The following SHANK2 variants were observed in gnomAD, a reference collection of about 807,000 sequenced individuals.
SHANK2 encodes the protein SH3 and multiple ankyrin repeat domains 2.
SHANK2 carries 43 observed loss-of-function variants against 133.7 expected under a neutral mutation model. The observed-to-expected ratio is 0.32, with a 90% CI of 0.25 to 0.41. The LOEUF is 0.41. Among genes scored for constraint, SHANK2 ranks in the 10% least tolerant of loss-of-function variants. The probability of loss-of-function intolerance (pLI) is 1.00; values close to 1 mark genes in which losing one functional copy is unlikely to be tolerated. For synonymous variants in SHANK2, 1,017 were observed against 952.8 expected (o/e 1.07, Z -1.24); for missense variants, 1,994 against 2,235.8 (o/e 0.89, Z 2.18).
intron 17 of SHANK2, among the ~76,000 whole-genome samples, chr11:70,618,296 G>GAAAAAA (rs33915522): frequency 1.8e-5 from 2 of 112,140 alleles, no homozygotes; most frequent in Non-Finnish European, 1.8e-5. Context: ...CTCGGTCTCA[G>GAAAAAA]AAAAAAAAAA....
chr11:71,134,593 C>T (rs185776213), intron 3 of SHANK2, among the ~76,000 whole-genome samples: 23 of 152,140 alleles, frequency 1.5e-4, no homozygotes, highest in Non-Finnish European at 2.5e-4. Flanking sequence ...GCGTGCATCA[C>T]CACACCTGGC....
intron 17 of SHANK2, among the ~76,000 whole-genome samples, chr11:70,654,862 G>T (rs1241711392): frequency 2.6e-5 from 4 of 151,728 alleles, no homozygotes; most frequent in African/African-American, 9.7e-5. Context: ...CCGCCTCCCG[G>T]GTTCAAGCGA....
chr11:70,865,693 C>T (rs1013190949), intron 11 of SHANK2, among the ~76,000 whole-genome samples: 1 of 151,540 alleles, frequency 6.6e-6, no homozygotes, highest in Admixed American at 6.6e-5. Context: ...CACTGCCTCG[C>T]ACCGCCTTCT....
At chr11:71,139,186 A>G (rs1952504858) in intron 3 of SHANK2, among the ~76,000 whole-genome samples, 1 of 152,190 alleles carries the variant, frequency 6.6e-6, no homozygotes, top group Non-Finnish European at 1.5e-5. Context: ...CGCAAGGATC[A>G]GCCCTCAGAG....
intron 1 of SHANK2, among the ~76,000 whole-genome samples, chr11:71,237,959 A>G (rs1954843752): frequency 6.6e-6 from 1 of 152,210 alleles, no homozygotes. Context: ...CCATGGGATA[A>G]GGGGGCCCCC....
rs192905822 is a variant in SHANK2 at position 70,787,880 on chromosome 11, C to T, written c.1777+10563G>A. ...GCCACCCCTGCTTCTGAGCAAGTCACTCACCATCTCTGACCTCGTGTCAAA... is the reference window on the plus strand; with the variant it reads ...GCCACCCCTGCTTCTGAGCAAGTCATTCACCATCTCTGACCTCGTGTCAAA... On this transcript the variant is annotated intron_variant, in intron 14 of 25. Transcript: ENST00000601538. Among the ~76,000 whole-genome samples, 108 of 152,314 alleles carry T rather than the reference C, an allele frequency of 7.1e-4. 1 individual carries two copies. The highest frequency in any genetic ancestry group is 2.4e-3 in the African/African-American group (101 of 41,558).
intron 11 of SHANK2, among the ~76,000 whole-genome samples, chr11:70,833,970 T>C (rs1446795005): frequency 1.3e-5 from 2 of 152,202 alleles, no homozygotes; most frequent in Middle Eastern, 3.2e-3. Context: ...GAGCTCCAAG[T>C]TGATGAAGGC....
intron 11 of SHANK2, among the ~76,000 whole-genome samples, chr11:70,832,556 GATGA>G (rs371017766): frequency 6.6e-6 from 1 of 152,206 alleles, no homozygotes; most frequent in African/African-American, 2.4e-5. Context: ...GTGCTCTGGA[GATGA>G]ATGAATGAAT....
intron 17 of SHANK2, among the ~76,000 whole-genome samples, chr11:70,591,550 G>GT (rs2060321339): frequency 9.2e-6 from 1 of 108,470 alleles, no homozygotes; most frequent in African/African-American, 3.2e-5. Context: ...AAAAGAAAAA[G>GT]AAAAAGAAAA....
chr11:70,484,938 C>T (rs1021355512), intron 25 of SHANK2, among the ~76,000 whole-genome samples: 8 of 152,058 alleles, frequency 5.3e-5, no homozygotes, highest in South Asian at 2.1e-4. Context: ...GCAACCAACT[C>T]GAAGCTTGGT....
At chr11:71,151,483 A>AC (rs1321527727) in intron 2 of SHANK2, among the ~76,000 whole-genome samples, 4 of 151,536 alleles carry the variant, frequency 2.6e-5, no homozygotes, top group Admixed American at 6.6e-5. Context: ...CTGCGATGCC[A>AC]CCCCCATTTC....
intron 15 of SHANK2, chr11:70,661,954 C>T: frequency 5.3e-6 from 4 of 748,644 alleles, no homozygotes; most frequent in East Asian, 2.8e-5. Flanking sequence ...CATGGTGGGG[C>T]GGCTGCCTGA....
rs113695442 is a variant in SHANK2 at position 70,663,084 on chromosome 11, C to T, written c.1854-1406G>A. ...GAGCCTCGGGGGTGAGGAGAAAGGA[C>T]ACCAGGCCAGCGGCCCAGCCGGAAA... On this transcript the variant is annotated intron_variant, in intron 15 of 25. Transcript: ENST00000601538. Among the ~76,000 whole-genome samples the T allele has an allele frequency of 5.4e-3, 826 of 152,246 alleles. 9 individuals are homozygous for T. Among genetic ancestry groups the T allele is most frequent in the African/African-American group, 0.019 (792 of 41,544 alleles).
At chr11:70,802,898 C>G (rs782332771) in intron 13 of SHANK2, among the ~76,000 whole-genome samples, 1 of 152,200 alleles carries the variant, frequency 6.6e-6, no homozygotes, top group African/African-American at 2.4e-5. Context: ...CCCATGGCCA[C>G]GAACCCTCAG....
intron 17 of SHANK2, among the ~76,000 whole-genome samples, chr11:70,544,059 G>A (rs1032379560): frequency 5.3e-5 from 8 of 152,170 alleles, no homozygotes; most frequent in African/African-American, 1.9e-4. Flanking sequence ...CTCAACGAGA[G>A]GCTGTTAGCA....
At chr11:70,897,286 C>T (rs575394336) in intron 10 of SHANK2, among the ~76,000 whole-genome samples, 26 of 152,322 alleles carry the variant, frequency 1.7e-4, no homozygotes, top group Non-Finnish European at 3.2e-4. Context: ...AAGGAGAGAC[C>T]TTGGGCTCAG....
At chr11:70,624,525 C>T (rs145041054) in intron 17 of SHANK2, among the ~76,000 whole-genome samples, 1 of 145,260 alleles carries the variant, frequency 6.9e-6, no homozygotes, top group South Asian at 2.2e-4. Context: ...ATGGCCACAA[C>T]CTTCTTCAAA....
chr11:70,762,308 T>C (rs1947012898), intron 14 of SHANK2, among the ~76,000 whole-genome samples: 1 of 152,124 alleles, frequency 6.6e-6, no homozygotes. Context: ...ACCTCCCAAG[T>C]GTCCTGGCTG....
At chr11:70,663,147 C>T (rs375851185) in intron 15 of SHANK2, among the ~76,000 whole-genome samples, 4 of 152,172 alleles carry the variant, frequency 2.6e-5, no homozygotes, top group Non-Finnish European at 5.9e-5. Context: ...ACCAGGCCCC[C>T]GTCGCACAGG....
Sources: allele counts gnomAD v4.1 joint callset (sites outside exome capture counted in the v4.1 genomes callset), GRCh38; gene constraint gnomAD v4.1.1; transcripts MANE v1.5; gene names NCBI Gene and HGNC (gene_info 2026-07-23, HGNC 2026-07-21).